The following ARHGAP6 variants were observed in gnomAD, a reference collection of about 807,000 sequenced individuals.
ARHGAP6 encodes the protein rho GTPase-activating protein 6.
ARHGAP6 carries 16 observed loss-of-function variants against 55.7 expected under a neutral mutation model. The observed-to-expected ratio is 0.29, with a 90% CI of 0.19 to 0.44. The LOEUF (loss-of-function observed/expected upper bound fraction) is 0.44, where lower values mean the gene tolerates loss of function less well. ARHGAP6 is among the 20% of genes least tolerant of loss of function. The pLI is 1.00. For missense variants in ARHGAP6, 698 were observed against 808.9 expected, an observed-to-expected ratio of 0.86 and a Z score of 1.66; for synonymous variants, 382 against 360.9, an observed-to-expected ratio of 1.06 and a Z score of -0.66.
At position 11,138,831 on chromosome X, in the gene ARHGAP6, T is replaced by G; in HGVS notation, c.*32A>C. The stretch of plus-strand genomic sequence containing the variant: ...CCCCCTGGGCTGGAGGGCGGGGGGC[T>G]CGGGGCAGGGGGGGCTCGGCTGGGT... On this transcript the variant is annotated 3_prime_UTR_variant, in exon 13 of 13. Coordinates refer to ENST00000337414, the MANE Select transcript of ARHGAP6 (RefSeq NM_013427.3). 1 of 1,156,326 alleles carries G rather than the reference T, an allele frequency of 8.6e-7. No homozygotes were observed. Among genetic ancestry groups the G allele is most frequent in the Non-Finnish European group, 1.1e-6 (1 of 872,638 alleles).
intron 1 of ARHGAP6, chrX:11,367,887 C>G: frequency 1.8e-6 from 1 of 562,652 alleles, no homozygotes; most frequent in Non-Finnish European, 2.2e-6. Flanking sequence ...AAGGTCAATT[C>G]TTGCCCTCTC....
chrX:11,325,746 G>C (rs1048602793), intron 1 of ARHGAP6, among the ~76,000 whole-genome samples: 5 of 112,436 alleles, frequency 4.4e-5, no homozygotes, highest in African/African-American at 1.6e-4. Context: ...ATGCTATTTT[G>C]CTAGAAATAT....
At chrX:11,448,308 C>T (rs776374820) in intron 1 of ARHGAP6, among the ~76,000 whole-genome samples, 21 of 112,101 alleles carry the variant, frequency 1.9e-4, no homozygotes, top group African/African-American at 6.5e-4. Flanking sequence ...CTGCAGAAAC[C>T]CTTCTTGCCC....
intron 1 of ARHGAP6, among the ~76,000 whole-genome samples, chrX:11,593,522 A>C (rs1018318317): frequency 8.9e-6 from 1 of 112,016 alleles, no homozygotes. Context: ...CACGTGTTAT[A>C]CATTTTTCCA....
intron 1 of ARHGAP6, among the ~76,000 whole-genome samples, chrX:11,581,766 T>C (rs2051669138): frequency 9.0e-6 from 1 of 110,792 alleles, no homozygotes; most frequent in Admixed American, 9.7e-5. Context: ...GCCAGCTAGA[T>C]GGACGGGGGA....
intron 1 of ARHGAP6, among the ~76,000 whole-genome samples, chrX:11,572,717 C>G (rs1338309301): frequency 8.9e-6 from 1 of 111,900 alleles, no homozygotes; most frequent in East Asian, 2.8e-4. Flanking sequence ...AATGGGAAGG[C>G]TGGGTCAAAT....
chrX:11,317,146 T>C (rs1365742311), intron 1 of ARHGAP6, among the ~76,000 whole-genome samples: 1 of 112,388 alleles, frequency 8.9e-6, no homozygotes, highest in East Asian at 2.8e-4. Flanking sequence ...GCTGGAAGCC[T>C]TTGGAAATGT....
rs143797370 is a variant in ARHGAP6, at chrX:11,639,917, T to G, written c.588+24324A>C. On this transcript the variant is annotated intron_variant, in intron 1 of 12. Transcript: ENST00000337414. ...AACCATACTTAACATTTTAAAAGCC[T>G]CCTTTCAAGCTTAAGCCATTTTTTG... Among the ~76,000 whole-genome samples the G allele has an allele frequency of 2.9e-4, 32 of 111,366 alleles. No homozygotes were observed. In the East Asian group the frequency reaches 8.8e-3, roughly 31 times the overall value.
At chrX:11,610,800 T>C (rs1303545582) in intron 1 of ARHGAP6, among the ~76,000 whole-genome samples, 1 of 111,821 alleles carries the variant, frequency 8.9e-6, no homozygotes, top group Non-Finnish European at 1.9e-5. Flanking sequence ...CCCATCTATG[T>C]CCATTAGCAT....
chrX:11,590,645 C>T (rs1212010622), intron 1 of ARHGAP6, among the ~76,000 whole-genome samples: 1 of 105,018 alleles, frequency 9.5e-6, no homozygotes, highest in Admixed American at 1.1e-4. Flanking sequence ...ATTAGCCAGG[C>T]GTGGTGGTGC....
At chrX:11,186,207 T>C in intron 5 of ARHGAP6, 29 bp downstream of exon 5, 1 of 1,163,902 alleles carries the variant, frequency 8.6e-7, no homozygotes, top group Non-Finnish European at 1.2e-6. Context: ...TGAAAGTCCT[T>C]AGTACTTTAG....
At chrX:11,625,046 T>C (rs966241931) in intron 1 of ARHGAP6, among the ~76,000 whole-genome samples, 1 of 112,066 alleles carries the variant, frequency 8.9e-6, no homozygotes, top group African/African-American at 3.2e-5. Flanking sequence ...GCAATGCTAG[T>C]ATACTGTTGG....
At chrX:11,310,524 C>G (rs1359873457) in intron 1 of ARHGAP6, among the ~76,000 whole-genome samples, 1 of 111,734 alleles carries the variant, frequency 8.9e-6, no homozygotes, top group Non-Finnish European at 1.9e-5. Context: ...GGATGAAGTA[C>G]TGATAAATAC....
chrX:11,547,475 G>A (rs1012328275), intron 1 of ARHGAP6, among the ~76,000 whole-genome samples: 10 of 111,350 alleles, frequency 9.0e-5, no homozygotes, highest in Admixed American at 4.8e-4. Context: ...TCCAAACGAG[G>A]TCTGTTCTCT....
intron 2 of ARHGAP6, among the ~76,000 whole-genome samples, chrX:11,214,323 C>T (rs1271530039): frequency 1.2e-4 from 13 of 109,734 alleles, no homozygotes; most frequent in Non-Finnish European, 1.9e-5. Context: ...TTTTACCCTC[C>T]AAAGGCAACT....
chrX:11,142,281 T>G lies in ARHGAP6; in HGVS notation c.2209A>C (p.Thr737Pro). The G allele has an allele frequency of 8.3e-7, 1 of 1,202,924 alleles. No homozygotes were observed. The highest frequency in any genetic ancestry group is 1.1e-6 in the Non-Finnish European group (1 of 889,636). ...LSEEPFDIWG[T>P]WHSTLKSGSK... Reference sequence around the variant, plus strand: ...CCGCTTTTTAATGTTGAATGCCAAGTTCCCCAGATATCGAAAGGCTCCTCT... The same window carrying G: ...CCGCTTTTTAATGTTGAATGCCAAGGTCCCCAGATATCGAAAGGCTCCTCT... Residue 737 changes from threonine to proline, a missense_variant, in exon 12 of 13, where the codon ACT (threonine) becomes CCT (proline). Transcript: ENST00000337414.
intron 1 of ARHGAP6, among the ~76,000 whole-genome samples, chrX:11,309,405 T>TCC (rs1293829828): frequency 2.8e-5 from 3 of 108,746 alleles, no homozygotes; most frequent in African/African-American, 1.0e-4. Flanking sequence ...CCAGGCAGTC[T>TCC]CCCTGTCTGG....
intron 7 of ARHGAP6, among the ~76,000 whole-genome samples, 155 bp from the exon 8 acceptor site, chrX:11,178,403 C>T (rs2046264333): frequency 9.1e-6 from 1 of 110,428 alleles, no homozygotes; most frequent in African/African-American, 3.3e-5. Flanking sequence ...TAGCAATTTA[C>T]CAGCAAGATT....
At chrX:11,392,348 T>A (rs1456859743) in intron 1 of ARHGAP6, among the ~76,000 whole-genome samples, 1 of 111,322 alleles carries the variant, frequency 9.0e-6, no homozygotes, top group Non-Finnish European at 1.9e-5. Flanking sequence ...CCCCACCCCA[T>A]CACTCTCATT....
Sources: allele counts gnomAD v4.1 joint callset (sites outside exome capture counted in the v4.1 genomes callset), GRCh38; gene constraint gnomAD v4.1.1; transcripts MANE v1.5; gene names NCBI Gene and HGNC (gene_info 2026-07-23, HGNC 2026-07-21).